ST6GALNAC5: variants seen among roughly 807,000 people sequenced by gnomAD.
ST6GALNAC5 encodes the protein alpha-N-acetylgalactosaminide alpha-2,6-sialyltransferase 5.
ST6GALNAC5 carries 27 observed loss-of-function variants against 33.6 expected under a neutral mutation model. The ratio of observed to expected loss-of-function variants is 0.80; its 90% CI spans 0.59 to 1.11. The LOEUF is 1.11. Ranked by LOEUF, ST6GALNAC5 falls within the 50% of genes least tolerant of loss-of-function variation. The pLI is 0.00. For synonymous variants in ST6GALNAC5, 194 were observed against 171.2 expected (o/e 1.13, Z -1.04); for missense variants, 428 against 454.0 (o/e 0.94, Z 0.52).
chr1:76,940,031 G>T lies in ST6GALNAC5; in HGVS notation c.261+71289G>T, dbSNP rs554461329. ...TGCATGTGAAACTCATAAATCATAA[G>T]ATTGGCACTTACAGCTTGTTTCACT... is the stretch of plus-strand genomic sequence containing the variant. On this transcript the variant is annotated intron_variant, in intron 2 of 4. Transcript: ENST00000477717. Among the ~76,000 whole-genome samples, 129 of 152,074 alleles carry T rather than the reference G, an allele frequency of 8.5e-4. 1 individual carries two copies. The highest frequency in any genetic ancestry group is 1.5e-3 in the Non-Finnish European group (105 of 67,986).
At chr1:76,880,434 A>G (rs905743887) in intron 2 of ST6GALNAC5, among the ~76,000 whole-genome samples, 1 of 152,194 alleles carries the variant, frequency 6.6e-6, no homozygotes, top group African/African-American at 2.4e-5. Context: ...CATTCTCTAG[A>G]GAGATAGAAC....
chr1:76,954,520 C>T (rs1048742529), intron 2 of ST6GALNAC5, among the ~76,000 whole-genome samples: 12 of 151,912 alleles, frequency 7.9e-5, no homozygotes, highest in African/African-American at 2.9e-4. Context: ...TGCACATGTA[C>T]CCCAAGCTTA....
chr1:76,870,530 C>T (rs968871350), intron 2 of ST6GALNAC5, among the ~76,000 whole-genome samples: 9 of 152,144 alleles, frequency 5.9e-5, no homozygotes, highest in Admixed American at 4.6e-4. Context: ...TAACCTAATG[C>T]TTATGTTCAA....
At chr1:76,954,554 A>G (rs1647879918) in intron 2 of ST6GALNAC5, among the ~76,000 whole-genome samples, 1 of 152,152 alleles carries the variant, frequency 6.6e-6, no homozygotes, top group Non-Finnish European at 1.5e-5. Flanking sequence ...GAGGAAAAAA[A>G]GAAAGAGTGA....
intron 2 of ST6GALNAC5, among the ~76,000 whole-genome samples, chr1:76,969,623 A>AC (rs1648654199): frequency 6.6e-6 from 1 of 152,218 alleles, no homozygotes; most frequent in Non-Finnish European, 1.5e-5. Flanking sequence ...AAGGCAGCAG[A>AC]AACTTCTGCA....
chr1:76,969,162 G>A (rs1468889512), intron 2 of ST6GALNAC5, among the ~76,000 whole-genome samples: 1 of 152,162 alleles, frequency 6.6e-6, no homozygotes, highest in Non-Finnish European at 1.5e-5. Flanking sequence ...ATCACACTGG[G>A]ACTGTTGGAC....
At chr1:76,936,957 T>C (rs909026418) in intron 2 of ST6GALNAC5, among the ~76,000 whole-genome samples, 32 of 143,356 alleles carry the variant, frequency 2.2e-4, no homozygotes, top group East Asian at 4.0e-4. Flanking sequence ...AAGCAGGGTG[T>C]GTGTGTGTGT....
rs1652719746 is a variant in ST6GALNAC5 at position 77,064,775 on chromosome 1, A to G, written c.*1569A>G. ...CTCTAATGCCAAATTTGAAGGCACC[A>G]GCAAATATTATGTATGAAGACTGAC... On this transcript the variant is annotated 3_prime_UTR_variant, in exon 5 of 5. Coordinates refer to ENST00000477717, the MANE Select transcript of ST6GALNAC5 (RefSeq NM_030965.3). 2.0e-5 allele frequency: 3 copies of G among 152,238 alleles called. No homozygotes were observed. Among genetic ancestry groups the G allele is most frequent in the Admixed American group, 2.0e-4 (3 of 15,288 alleles). The allele number at this position is 152,238 out of a possible 1,614,324, so 9.4% of individuals were successfully genotyped here. A position where few individuals can be genotyped will look rare whatever the true frequency, so the allele number is the denominator to read the frequency against.
chr1:76,967,144 A>T (rs968694076), intron 2 of ST6GALNAC5, among the ~76,000 whole-genome samples: 2 of 152,028 alleles, frequency 1.3e-5, no homozygotes, highest in South Asian at 4.2e-4. Flanking sequence ...CTCTTTTTCT[A>T]TTGATCGGAA....
chr1:77,016,532 GC>G (rs1650860142), intron 2 of ST6GALNAC5, among the ~76,000 whole-genome samples: 1 of 151,234 alleles, frequency 6.6e-6, no homozygotes, highest in Non-Finnish European at 1.5e-5. Context: ...CCAACCCCCT[GC>G]CCCCTGAAAG....
chr1:76,963,224 G>A (rs1276770680), intron 2 of ST6GALNAC5, among the ~76,000 whole-genome samples: 1 of 152,144 alleles, frequency 6.6e-6, no homozygotes, highest in South Asian at 2.1e-4. Flanking sequence ...GTGGCTAAAG[G>A]CTCAAATAGC....
intron 2 of ST6GALNAC5, among the ~76,000 whole-genome samples, chr1:76,979,558 G>C (rs1168552694): frequency 6.6e-6 from 1 of 152,136 alleles, no homozygotes; most frequent in South Asian, 2.1e-4. Flanking sequence ...ATGGTGCTGG[G>C]AAAAGTGATT....
At chr1:76,959,702 C>A (rs1648152551) in intron 2 of ST6GALNAC5, among the ~76,000 whole-genome samples, 2 of 152,202 alleles carry the variant, frequency 1.3e-5, no homozygotes, top group South Asian at 4.1e-4. Context: ...TCAAATCTGG[C>A]TGCTTGTCAG....
intron 2 of ST6GALNAC5, among the ~76,000 whole-genome samples, chr1:76,915,931 T>C (rs1391103041): frequency 6.6e-6 from 1 of 151,740 alleles, no homozygotes; most frequent in African/African-American, 2.4e-5. Flanking sequence ...AATAATTTTT[T>C]TCTATTTGAG....
chr1:76,900,298 T>C (rs1646804466), intron 2 of ST6GALNAC5, among the ~76,000 whole-genome samples: 3 of 152,010 alleles, frequency 2.0e-5, no homozygotes, highest in Admixed American at 2.0e-4. Flanking sequence ...TGGTGGAATG[T>C]CATCAGTTAA....
intron 2 of ST6GALNAC5, among the ~76,000 whole-genome samples, chr1:76,893,214 A>G (rs1035641258): frequency 7.9e-5 from 12 of 152,182 alleles, no homozygotes; most frequent in Non-Finnish European, 5.9e-5. Context: ...AAGTTTGTTA[A>G]TAAGGAAGGA....
At chr1:76,901,749 T>C (rs1264476373) in intron 2 of ST6GALNAC5, among the ~76,000 whole-genome samples, 2 of 152,214 alleles carry the variant, frequency 1.3e-5, no homozygotes, top group Non-Finnish European at 2.9e-5. Flanking sequence ...CTGTTTATTC[T>C]TTTTGAGAGT....
intron 2 of ST6GALNAC5, among the ~76,000 whole-genome samples, chr1:76,944,295 T>C (rs1185130295): frequency 2.0e-5 from 3 of 152,240 alleles, no homozygotes; most frequent in Non-Finnish European, 2.9e-5. Flanking sequence ...GCTAACAGTT[T>C]GTAGGTCAAG....
intron 2 of ST6GALNAC5, among the ~76,000 whole-genome samples, chr1:77,028,037 C>T (rs1651312916): frequency 6.6e-6 from 1 of 152,208 alleles, no homozygotes; most frequent in Admixed American, 6.5e-5. Flanking sequence ...GGACTGCAGT[C>T]TGTCAAGGCT....
Sources: allele counts gnomAD v4.1 joint callset (sites outside exome capture counted in the v4.1 genomes callset), GRCh38; gene constraint gnomAD v4.1.1; transcripts MANE v1.5; gene names NCBI Gene and HGNC (gene_info 2026-07-23, HGNC 2026-07-21).